GPHN: variants seen among roughly 807,000 people sequenced by gnomAD.
The protein encoded by GPHN is gephyrin.
A neutral mutation model predicts 95.5 loss-of-function variants in GPHN; 17 were observed. The ratio of observed to expected loss-of-function variants is 0.18; its 90% CI spans 0.12 to 0.27. The LOEUF is 0.27. GPHN is among the 10% of genes least tolerant of loss of function. GPHN has a pLI of 1.00. For missense variants in GPHN, 660 were observed against 978.1 expected (o/e 0.67, Z 4.34); for synonymous variants, 320 against 322.5 (o/e 0.99, Z 0.08).
chr14:66,702,733 G>A (rs758458727), intron 2 of GPHN, among the ~76,000 whole-genome samples: 2 of 152,112 alleles, frequency 1.3e-5, no homozygotes, highest in Non-Finnish European at 2.9e-5. Flanking sequence ...AACCCAAAAG[G>A]CCAGAGTGCA....
At chr14:66,536,745 G>A (rs539039755) in intron 1 of GPHN, among the ~76,000 whole-genome samples, 5 of 152,276 alleles carry the variant, frequency 3.3e-5, no homozygotes, top group Admixed American at 3.3e-4. Context: ...AGTCTTTGGT[G>A]TTAATGTTCT....
At chr14:66,598,446 T>C (rs1337223569) in intron 1 of GPHN, among the ~76,000 whole-genome samples, 2 of 152,164 alleles carry the variant, frequency 1.3e-5, no homozygotes. Context: ...CCCATAGTTT[T>C]ATATTTAGTG....
intron 8 of GPHN, among the ~76,000 whole-genome samples, chr14:66,940,433 C>T (rs1230062745): frequency 1.3e-5 from 2 of 152,072 alleles, no homozygotes; most frequent in African/African-American, 2.4e-5. Flanking sequence ...TCTTTCTTTC[C>T]TCCATCCTTG....
At chr14:66,858,106 A>G (rs1161541749) in intron 4 of GPHN, among the ~76,000 whole-genome samples, 1 of 152,082 alleles carries the variant, frequency 6.6e-6, no homozygotes, top group African/African-American at 2.4e-5. Context: ...CAAGAACTAC[A>G]ATTCTTGGGC....
intron 1 of GPHN, among the ~76,000 whole-genome samples, chr14:66,538,584 TAGGA>T (rs1244068657): frequency 6.6e-6 from 1 of 152,056 alleles, no homozygotes; most frequent in African/African-American, 2.4e-5. Flanking sequence ...TTCTCAGCTC[TAGGA>T]AGTTTTATTA....
chr14:66,686,932 C>T (rs2067406337), intron 2 of GPHN, among the ~76,000 whole-genome samples: 1 of 152,066 alleles, frequency 6.6e-6, no homozygotes, highest in Non-Finnish European at 1.5e-5. Context: ...CCCATCAATA[C>T]CTAATTTGTT....
intron 2 of GPHN, among the ~76,000 whole-genome samples, chr14:66,687,852 T>A: frequency 6.6e-6 from 1 of 152,202 alleles, no homozygotes; most frequent in Admixed American, 6.5e-5. Flanking sequence ...CCTCTTCAAT[T>A]TCTTTCATCA....
chr14:67,199,747 G>A, the GPHN span: 2 of 1,558,254 alleles, frequency 1.3e-6, no homozygotes, highest in African/African-American at 1.4e-5. Flanking sequence ...CATCATTGGG[G>A]TCTGGGCTTC....
chr14:67,301,364 A>G, the GPHN span: 1 of 1,554,322 alleles, frequency 6.4e-7, no homozygotes, highest in Non-Finnish European at 8.8e-7. Context: ...ATCTAGGAAG[A>G]ATAATCTTTA....
chr14:67,391,842 C>G, the GPHN span, among the ~76,000 whole-genome samples: 1 of 152,088 alleles, frequency 6.6e-6, no homozygotes, highest in South Asian at 2.1e-4. Context: ...GAATAGGGAG[C>G]CTTACAGTGG....
chr14:66,529,657 C>T (rs116072374), intron 1 of GPHN, among the ~76,000 whole-genome samples: 5,323 of 152,110 alleles, frequency 0.035, 123 homozygotes, highest in Middle Eastern at 0.068. Context: ...TGTGAGTGGA[C>T]GTCCTTTTTG....
chr14:67,489,992 A>G, the GPHN span, among the ~76,000 whole-genome samples: 1 of 148,276 alleles, frequency 6.7e-6, no homozygotes. Flanking sequence ...TCCGTCTCAA[A>G]AAAAAAAAAA....
intron 5 of GPHN, among the ~76,000 whole-genome samples, chr14:66,905,422 G>A (rs1046706772): frequency 3.3e-5 from 5 of 152,004 alleles, no homozygotes; most frequent in South Asian, 2.1e-4. Flanking sequence ...ATTAGGGCCA[G>A]TTACTGTTTC....
the GPHN span, chr14:67,717,726 C>T: frequency 6.6e-6 from 1 of 152,266 alleles, no homozygotes; most frequent in South Asian, 2.1e-4. Context: ...TAAAAATCCT[C>T]CTTTACTCGG....
the GPHN span, among the ~76,000 whole-genome samples, chr14:67,500,002 T>C: frequency 1.9e-3 from 294 of 152,208 alleles, 2 homozygotes; most frequent in African/African-American, 6.8e-3. Context: ...CCATTGATAC[T>C]TGTAACTCCC....
At chr14:67,168,848 C>T in intron 20 of GPHN, 85 bp from the exon 21 acceptor site, 4 of 915,742 alleles carry the variant, frequency 4.4e-6, no homozygotes, top group Non-Finnish European at 5.5e-6. Flanking sequence ...CCGTCACATT[C>T]TGATACCCAA....
the GPHN span, among the ~76,000 whole-genome samples, chr14:67,402,771 T>C: frequency 6.6e-6 from 1 of 152,256 alleles, no homozygotes; most frequent in Non-Finnish European, 1.5e-5. Context: ...TTCTTTTTTA[T>C]GGCTGAATAG....
chr14:66,601,548 T>C (rs1482910269), intron 1 of GPHN, among the ~76,000 whole-genome samples: 1 of 152,014 alleles, frequency 6.6e-6, no homozygotes, highest in African/African-American at 2.4e-5. Flanking sequence ...TTTTTTCCAG[T>C]ACTATTTAAA....
the GPHN span, among the ~76,000 whole-genome samples, chr14:67,605,064 T>G: frequency 6.6e-6 from 1 of 152,192 alleles, no homozygotes; most frequent in South Asian, 2.1e-4. Context: ...ACTTTATACC[T>G]TTTCTTCAAA....
Sources: gnomAD v4.1 joint callset for allele counts (sites outside exome capture counted in the v4.1 genomes callset) on GRCh38, gnomAD v4.1.1 for gene constraint, MANE v1.5 for transcripts, NCBI Gene and HGNC (gene_info 2026-07-23, HGNC 2026-07-21) for gene names.